The following CTNNA3 variants were observed in gnomAD, a reference collection of about 807,000 sequenced individuals.
CTNNA3 encodes the protein catenin alpha-3.
CTNNA3 carries 76 observed loss-of-function variants against 95.7 expected under a neutral mutation model. The observed-to-expected ratio is 0.79, with a 90% confidence interval of 0.66 to 0.96. CTNNA3 has a LOEUF of 0.96. CTNNA3 is among the 40% of genes least tolerant of loss of function. CTNNA3 has a pLI of 0.00. For missense variants in CTNNA3, 1,191 were observed against 1,089.8 expected (o/e 1.09, Z -1.31); for synonymous variants, 431 against 374.4 (o/e 1.15, Z -1.74).
intron 9 of CTNNA3, among the ~76,000 whole-genome samples, chr10:66,622,235 A>G (rs1015433676): frequency 2.6e-5 from 4 of 152,134 alleles, no homozygotes; most frequent in African/African-American, 9.7e-5. Flanking sequence ...ATCTTTATAC[A>G]TTTTGTTTGC....
rs1219455652 is a variant in CTNNA3 at position 67,180,470 on chromosome 10, T to C, written c.894A>G (p.Pro298=). 3.0e-5 allele frequency: 49 copies of C among 1,613,926 alleles called. No individual in the cohort carries two copies. Among genetic ancestry groups the C allele is most frequent in the Non-Finnish European group, 4.1e-5 (48 of 1,179,880 alleles). The change falls in exon 7 of 18, where the codon CCA becomes CCG. Residue 298 remains proline, a synonymous_variant. Transcript: ENST00000433211. ...PLTVTEEEIR[P]SLEKRLEAII... The stretch of plus-strand genomic sequence containing the variant: ...TGGCTTCAAGGCGTTTCTCTAGTGA[T>C]GGTCGTATTTCCTCCTCAGTTACTG...
At position 67,314,326 on chromosome 10, in the gene CTNNA3, G is replaced by A. The variant is rs918765203; in HGVS notation, c.580-94456C>T. Among the ~76,000 whole-genome samples the A allele has an allele frequency of 3.9e-5, 6 of 152,158 alleles. No individual in the cohort carries two copies. The South Asian group carries it at 6.2e-4, about 16-fold the overall frequency. The stretch of plus-strand genomic sequence containing the variant: ...ATAAAACTGTGTCAATAGACTCTGA[G>A]GTCAAGTATGGAATTCAAAGGAAAG... On this transcript the variant is annotated intron_variant, in intron 5 of 17. Transcript: ENST00000433211.
intron 9 of CTNNA3, among the ~76,000 whole-genome samples, chr10:66,720,568 C>T (rs1166223520): frequency 6.6e-6 from 1 of 152,170 alleles, no homozygotes; most frequent in Non-Finnish European, 1.5e-5. Flanking sequence ...CACAGTGGCT[C>T]ACGCCTATAA....
At chr10:65,985,162 G>C (rs891179574) in intron 16 of CTNNA3, among the ~76,000 whole-genome samples, 1 of 150,874 alleles carries the variant, frequency 6.6e-6, no homozygotes, top group South Asian at 2.1e-4. Context: ...TTTTCCAAGA[G>C]AGTATAAACA....
At chr10:66,438,999 C>T (rs573847953) in intron 11 of CTNNA3, among the ~76,000 whole-genome samples, 14 of 152,084 alleles carry the variant, frequency 9.2e-5, no homozygotes, top group Admixed American at 2.6e-4. Flanking sequence ...CACCCTGCTT[C>T]GGGTCACCCT....
intron 7 of CTNNA3, chr10:66,926,251 G>A (rs745378026): frequency 2.0e-6 from 1 of 494,296 alleles, no homozygotes; most frequent in South Asian, 2.0e-5. Context: ...AGAAGAAATT[G>A]TAGGATCCAG....
In CTNNA3 at chr10:67,757,899, T is replaced by C. The variant is rs189700399; in HGVS notation, c.-2+5535A>G. On this transcript the variant is annotated intron_variant, in intron 1 of 17. Transcript: ENST00000684154. Reference sequence around the variant, plus strand: ...TGTCCCTCTAGAGAACCCTGATTAATACAGATGTCCAGATATCTGGTAAAA... The same window carrying C: ...TGTCCCTCTAGAGAACCCTGATTAACACAGATGTCCAGATATCTGGTAAAA... 1.5e-3 allele frequency among the ~76,000 whole-genome samples: 223 copies of C among 152,268 alleles called. 3 individuals are homozygous for C. Among genetic ancestry groups the C allele is most frequent in the Admixed American group, 0.011 (169 of 15,300 alleles).
chr10:67,320,713 A>C (rs1273451485), intron 5 of CTNNA3, among the ~76,000 whole-genome samples: 1 of 152,224 alleles, frequency 6.6e-6, no homozygotes, highest in Admixed American at 6.5e-5. Flanking sequence ...AAATGTGTGC[A>C]AGACACTGGG....
intron 11 of CTNNA3, among the ~76,000 whole-genome samples, chr10:66,475,675 G>A (rs1030202074): frequency 4.6e-5 from 7 of 151,982 alleles, no homozygotes; most frequent in South Asian, 2.1e-4. Context: ...ATCGTCTCAC[G>A]CCAGTCAGAA....
chr10:66,862,961 C>T (rs1020179739), intron 7 of CTNNA3, among the ~76,000 whole-genome samples: 2 of 152,104 alleles, frequency 1.3e-5, no homozygotes, highest in African/African-American at 4.8e-5. Context: ...TGAATTGAGA[C>T]AGTAGCTTTC....
chr10:67,638,112 G>A (rs1839388779), intron 2 of CTNNA3, among the ~76,000 whole-genome samples: 1 of 152,098 alleles, frequency 6.6e-6, no homozygotes, highest in African/African-American at 2.4e-5. Flanking sequence ...CTGCATTCAG[G>A]AAACCCATCT....
At chr10:66,918,998 G>A (rs1454901383) in intron 7 of CTNNA3, among the ~76,000 whole-genome samples, 1 of 151,958 alleles carries the variant, frequency 6.6e-6, no homozygotes, top group African/African-American at 2.4e-5. Context: ...AGCCGGGCGT[G>A]GTGGCAGGCA....
At chr10:65,975,419 G>A (rs915387722) in intron 16 of CTNNA3, among the ~76,000 whole-genome samples, 2 of 151,862 alleles carry the variant, frequency 1.3e-5, no homozygotes, top group African/African-American at 4.8e-5. Context: ...GGAAGAAGAG[G>A]AGAAGGCAGA....
At chr10:66,154,311 T>C (rs1333678818) in intron 13 of CTNNA3, among the ~76,000 whole-genome samples, 5 of 151,824 alleles carry the variant, frequency 3.3e-5, no homozygotes, top group Admixed American at 6.6e-5. Context: ...TAGTCTACTG[T>C]AGACTTAAAC....
intron 3 of CTNNA3, among the ~76,000 whole-genome samples, chr10:67,557,480 A>G (rs1753358975): frequency 6.6e-6 from 1 of 152,186 alleles, no homozygotes; most frequent in African/African-American, 2.4e-5. Flanking sequence ...ATCCATCTAC[A>G]GTGAGAGAAC....
intron 5 of CTNNA3, among the ~76,000 whole-genome samples, chr10:67,500,822 G>A (rs1470274943): frequency 6.6e-6 from 1 of 152,108 alleles, no homozygotes; most frequent in East Asian, 1.9e-4. Flanking sequence ...CTCTGCACGT[G>A]CGATGGGTCT....
At chr10:66,503,886 A>G (rs977300274) in intron 11 of CTNNA3, among the ~76,000 whole-genome samples, 2 of 152,182 alleles carry the variant, frequency 1.3e-5, no homozygotes, top group East Asian at 3.8e-4. Context: ...GGCAGTTTGT[A>G]AGAACATAAT....
intron 11 of CTNNA3, among the ~76,000 whole-genome samples, chr10:66,414,079 CTTT>C (rs901843132): frequency 1.3e-5 from 2 of 152,018 alleles, no homozygotes; most frequent in African/African-American, 4.8e-5. Flanking sequence ...ATTTATTCTT[CTTT>C]TTTGTTTGTT....
intron 15 of CTNNA3, among the ~76,000 whole-genome samples, chr10:66,024,381 G>A (rs1241002268): frequency 2.0e-5 from 3 of 152,200 alleles, no homozygotes; most frequent in African/African-American, 4.8e-5. Flanking sequence ...GAGCCACCAC[G>A]CCCGACCCCA....
Sources: allele counts gnomAD v4.1 joint callset (sites outside exome capture counted in the v4.1 genomes callset), GRCh38; gene constraint gnomAD v4.1.1; transcripts MANE v1.5; gene names NCBI Gene and HGNC (gene_info 2026-07-23, HGNC 2026-07-21).